Variants in ARMCX4 observed in about 807,000 individuals in gnomAD.
The protein encoded by ARMCX4 is armadillo repeat containing X-linked 4.
Under a neutral mutation model 34.7 loss-of-function variants are expected in ARMCX4, and 3 were observed. That is an observed-to-expected ratio of 0.09 (90% confidence interval 0.04 to 0.22). The LOEUF (loss-of-function observed/expected upper bound fraction) is 0.22, where lower values mean the gene tolerates loss of function less well. ARMCX4 is among the 10% of genes least tolerant of loss of function. The pLI is 1.00. For synonymous variants in ARMCX4, 513 were observed against 632.8 expected, an observed-to-expected ratio of 0.81 and a Z score of 2.84; for missense variants, 1,448 against 1,720.8, an observed-to-expected ratio of 0.84 and a Z score of 2.81.
chrX:101,501,052 A>G (rs1217859068), intron 7 of ARMCX4, among the ~76,000 whole-genome samples: 1 of 112,397 alleles, frequency 8.9e-6, no homozygotes, highest in Admixed American at 9.4e-5. Flanking sequence ...ATCCTCTCAA[A>G]GGGAAGGACA....
In ARMCX4 at chrX:101,492,303, G is replaced by T. The variant is rs1473285397; in HGVS notation, c.3714G>T (p.Ala1238=). ...GNQAIGELWA[A]GQASDGSWPG... The stretch of plus-strand genomic sequence containing the variant: ...AGGCCATTGGAGAGCTTTGGGCTGC[G>T]GGTCAGGCCAGTGATGGGTCCTGGC... Residue 1238 remains alanine (A), a synonymous_variant, in exon 6 of 6, where the codon GCG becomes GCT. Transcript: ENST00000423738. The T allele has an allele frequency of 1.6e-5, 18 of 1,142,982 alleles. No individual in the cohort carries two copies. Among genetic ancestry groups the T allele is most frequent in the Admixed American group, 1.1e-4 (4 of 37,369 alleles). The allele number at this position is 1,142,982 out of a possible 1,213,427, so 94.2% of individuals were successfully genotyped here.
chrX:101,491,295 A>G lies in ARMCX4; in HGVS notation c.2706A>G (p.Glu902=). Residue 902 remains glutamate, a synonymous_variant, in exon 6 of 6, where the codon GAA becomes GAG. Transcript: ENST00000423738. The part of the protein sequence containing the change: ...SNVVSKAGAR[E]DTMGSAQPQV... ...TTGTGTCTAAGGCAGGGGCCAGAGA[A>G]GATACAATGGGCTCTGCCCAGCCTC... 1 of 1,152,674 alleles carries G rather than the reference A, an allele frequency of 8.7e-7. No homozygotes were observed. Among genetic ancestry groups the G allele is most frequent in the Non-Finnish European group, 1.1e-6 (1 of 871,923 alleles). The allele number at this position is 1,152,674 out of a possible 1,213,427, so 95.0% of individuals were successfully genotyped here. A position where few individuals can be genotyped will look rare whatever the true frequency, so the allele number is the denominator to read the frequency against.
downstream of ARMCX4, chrX:101,495,816 C>T (rs1225285331): frequency 2.9e-5 from 4 of 138,765 alleles, no homozygotes; most frequent in African/African-American, 1.3e-4. Flanking sequence ...AAGTCATTGT[C>T]CTTGTCCTTG....
At chrX:101,444,899 A>G (rs1399750491) in intron 3 of ARMCX4, among the ~76,000 whole-genome samples, 2 of 111,370 alleles carry the variant, frequency 1.8e-5, no homozygotes, top group Non-Finnish European at 3.8e-5. Context: ...AATAATTATT[A>G]TTGACTATAA....
At chrX:101,478,917 T>A (rs933053249) in intron 4 of ARMCX4, among the ~76,000 whole-genome samples, 3 of 110,743 alleles carry the variant, frequency 2.7e-5, no homozygotes, top group Non-Finnish European at 5.7e-5. Flanking sequence ...TGACGGGAAA[T>A]GAAAAAGAAG....
downstream of ARMCX4, among the ~76,000 whole-genome samples, chrX:101,449,573 T>C (rs1338654435): frequency 8.9e-6 from 1 of 112,055 alleles, no homozygotes; most frequent in Non-Finnish European, 1.9e-5. Flanking sequence ...TTATTTCCAT[T>C]TCTTTGTTAC....
chrX:101,519,650 C>A (rs1479946618), intron 11 of ARMCX4, among the ~76,000 whole-genome samples: 1 of 111,534 alleles, frequency 9.0e-6, no homozygotes, highest in Non-Finnish European at 1.9e-5. Flanking sequence ...AGATATCTCT[C>A]TGAGATTCTG....
rs1453767008 is a variant in ARMCX4 at position 101,488,374 on chromosome X, G to A, written c.-146-70G>A. On this transcript the variant is annotated intron_variant, in intron 5 of 5. Coordinates refer to ENST00000423738, the MANE Select transcript of ARMCX4 (RefSeq NM_001256155.3). ...TGGTTCTACCATTTTCTGTTCCTCTGTGTATCTATCTGTATGATGCAACAA... is the reference window on the plus strand; with the variant it reads ...TGGTTCTACCATTTTCTGTTCCTCTATGTATCTATCTGTATGATGCAACAA... 5 of 969,191 alleles carry A rather than the reference G, an allele frequency of 5.2e-6. No individual in the cohort carries two copies. The African/African-American group carries it at 5.9e-5, about 11-fold the overall frequency. 79.9% of individuals were successfully genotyped at this position (969,191 alleles called of 1,213,427 possible). A position where few individuals can be genotyped will look rare whatever the true frequency, so the allele number is the denominator to read the frequency against.
upstream of ARMCX4, among the ~76,000 whole-genome samples, chrX:101,482,862 A>G (rs1556005675): frequency 1.0e-5 from 1 of 97,635 alleles, no homozygotes; most frequent in African/African-American, 3.8e-5. Context: ...TCTCTCCCCT[A>G]TCAATAGCCA....
At chrX:101,529,429 A>G (rs2147726358) in intron 11 of ARMCX4, among the ~76,000 whole-genome samples, 1 of 112,141 alleles carries the variant, frequency 8.9e-6, no homozygotes, top group African/African-American at 3.2e-5. Flanking sequence ...ATAGTCAAGG[A>G]CTTCATGTCT....
chrX:101,515,705 AT>A (rs1156867831), intron 11 of ARMCX4, among the ~76,000 whole-genome samples: 1 of 105,538 alleles, frequency 9.5e-6, no homozygotes, highest in Non-Finnish European at 1.9e-5. Context: ...CACCCAGCTA[AT>A]TTTTTTGGTA....
At chrX:101,439,066 T>C (rs1406191236) in intron 2 of ARMCX4, among the ~76,000 whole-genome samples, 2 of 112,121 alleles carry the variant, frequency 1.8e-5, no homozygotes, top group South Asian at 3.7e-4. Flanking sequence ...TTCCTAGCCT[T>C]GATAGTCTTT....
chrX:101,450,589 C>A, downstream of ARMCX4, among the ~76,000 whole-genome samples: 1 of 111,851 alleles, frequency 8.9e-6, no homozygotes, highest in Non-Finnish European at 1.9e-5. Context: ...ACCTAAGGTG[C>A]AAGAGAAAGT....
chrX:101,499,466 A>G (rs1194112994), downstream of ARMCX4: 1 of 112,058 alleles, frequency 8.9e-6, no homozygotes, highest in South Asian at 3.7e-4. Flanking sequence ...TACCAAAGCT[A>G]TAAGAAATAT....
In ARMCX4 at chrX:101,425,415, C is replaced by T. The variant is rs1326678044; in HGVS notation, n.164+6415C>T. On this transcript the variant is annotated intron_variant and non_coding_transcript_variant, in intron 2 of 3. Transcript: ENST00000430461. The stretch of plus-strand genomic sequence containing the variant: ...GCACTTTTTTTTTTTTTTTTTGAGA[C>T]GGAGTTTCACTCTTGTTGCCCAAGC... 4.2e-5 allele frequency among the ~76,000 whole-genome samples: 4 copies of T among 95,999 alleles called. No homozygotes were observed. The East Asian group carries it at 9.5e-4, about 23-fold the overall frequency. The allele number at this position is 95,999 out of a possible 115,157, so 83.4% of individuals were successfully genotyped here.
intron 4 of ARMCX4, among the ~76,000 whole-genome samples, chrX:101,471,655 C>T (rs1556003037): frequency 1.8e-5 from 2 of 111,422 alleles, no homozygotes; most frequent in East Asian, 5.6e-4. Context: ...GACCCCTGAC[C>T]CTGGAGCAGC....
chrX:101,421,885 CAGG>C (rs1929286161), intron 2 of ARMCX4, among the ~76,000 whole-genome samples: 1 of 110,311 alleles, frequency 9.1e-6, no homozygotes, highest in Non-Finnish European at 1.9e-5. Flanking sequence ...TTTATCAAGA[CAGG>C]AGAGTTGAAA....
chrX:101,495,572 G>A lies in ARMCX4; in HGVS notation c.*110G>A. 1.3e-6 allele frequency: 1 copy of A among 766,602 alleles called. No homozygotes were observed. Among genetic ancestry groups the A allele is most frequent in the East Asian group, 3.6e-5 (1 of 27,691 alleles). The allele number at this position is 766,602 out of a possible 1,213,427, so 63.2% of individuals were successfully genotyped here. ...TTTGAAACTGATGTTACCTATGATG[G>A]TCTATAGCTGGACCATTTTATGAAC... On this transcript the variant is annotated 3_prime_UTR_variant, in exon 6 of 6. Coordinates refer to ENST00000423738, the MANE Select transcript of ARMCX4 (RefSeq NM_001256155.3).
upstream of ARMCX4, among the ~76,000 whole-genome samples, chrX:101,482,010 G>C (rs1933472100): frequency 9.0e-6 from 1 of 111,296 alleles, no homozygotes; most frequent in African/African-American, 3.3e-5. Context: ...CAGGTGGTTG[G>C]ATCACTTGAG....
Sources: allele counts gnomAD v4.1 joint callset (sites outside exome capture counted in the v4.1 genomes callset), GRCh38; gene constraint gnomAD v4.1.1; transcripts MANE v1.5; gene names NCBI Gene and HGNC (gene_info 2026-07-23, HGNC 2026-07-21).